The following KLF12 variants were observed in gnomAD, a reference collection of about 807,000 sequenced individuals.
The protein encoded by KLF12 is Krueppel-like factor 12.
A neutral mutation model predicts 37.8 loss-of-function variants in KLF12; 9 were observed. The ratio of observed to expected loss-of-function variants is 0.24; its 90% CI spans 0.14 to 0.42. KLF12 has a LOEUF of 0.42. Among genes scored for constraint, KLF12 ranks in the 10% least tolerant of loss-of-function variants. The pLI, the probability that KLF12 is intolerant of heterozygous loss-of-function variation, is 1.00. For synonymous variants in KLF12, 208 were observed against 202.1 expected (o/e 1.03, Z -0.25); for missense variants, 411 against 516.0 (o/e 0.80, Z 1.97).
At chr13:74,175,000 C>A in the KLF12 span, among the ~76,000 whole-genome samples, 8 of 152,316 alleles carry the variant, frequency 5.3e-5, no homozygotes, top group East Asian at 1.5e-3. Context: ...GCTTCCACTG[C>A]CACTAACCAC....
At position 74,104,896 on chromosome 13, in the gene KLF12, C is replaced by G. The variant is rs191276091; in HGVS notation, c.-32+28843G>C. Among the ~76,000 whole-genome samples the G allele has an allele frequency of 1.6e-3, 237 of 152,272 alleles. 1 individual carries two copies. Among genetic ancestry groups the G allele is most frequent in the African/African-American group, 5.3e-3 (222 of 41,536 alleles). ...TACCAAAATTGGGTTAGGTTCCCCC[C>G]TCCCCCGCGATGTATAAGTGGGCCT... is the stretch of plus-strand genomic sequence containing the variant. On this transcript the variant is annotated intron_variant, in intron 1 of 7. Coordinates refer to ENST00000377669, the MANE Select transcript of KLF12 (RefSeq NM_007249.5).
At chr13:73,791,255 T>G (rs1467810400) in intron 5 of KLF12, among the ~76,000 whole-genome samples, 1 of 152,240 alleles carries the variant, frequency 6.6e-6, no homozygotes, top group Admixed American at 6.5e-5. Context: ...ATGTGCCTAT[T>G]CATATGTAGT....
At chr13:73,977,188 T>C (rs1593800042) in intron 2 of KLF12, among the ~76,000 whole-genome samples, 1 of 151,868 alleles carries the variant, frequency 6.6e-6, no homozygotes, top group Non-Finnish European at 1.5e-5. Context: ...ACTACAGGCA[T>C]GAGCCACCAA....
intron 1 of KLF12, among the ~76,000 whole-genome samples, chr13:74,030,488 G>A (rs184036588): frequency 6.6e-6 from 1 of 151,912 alleles, no homozygotes; most frequent in African/African-American, 2.4e-5. Flanking sequence ...CTTAAGATGG[G>A]CCTTAATTAA....
chr13:73,869,637 GTTA>G, intron 3 of KLF12, among the ~76,000 whole-genome samples: 1 of 151,676 alleles, frequency 6.6e-6, no homozygotes, highest in East Asian at 1.9e-4. Flanking sequence ...ATCTATAACA[GTTA>G]TATGCTGAGT....
the KLF12 span, among the ~76,000 whole-genome samples, chr13:74,269,345 A>G: frequency 6.6e-6 from 1 of 152,064 alleles, no homozygotes; most frequent in Non-Finnish European, 1.5e-5. Flanking sequence ...TTTCCTGCTC[A>G]TTTCATATAG....
At chr13:73,779,268 C>T (rs558722739) in intron 5 of KLF12, among the ~76,000 whole-genome samples, 86 of 152,228 alleles carry the variant, frequency 5.6e-4, no homozygotes, top group Middle Eastern at 6.8e-3. Context: ...AGGTTTTTAG[C>T]TCCTCACCAG....
At chr13:73,699,747 G>A (rs1367007797) in intron 7 of KLF12, among the ~76,000 whole-genome samples, 3 of 152,182 alleles carry the variant, frequency 2.0e-5, no homozygotes, top group Non-Finnish European at 4.4e-5. Context: ...GAGATGTTTG[G>A]AACTGTTTCT....
intron 2 of KLF12, among the ~76,000 whole-genome samples, chr13:73,965,956 G>T (rs1240119242): frequency 1.3e-5 from 2 of 152,144 alleles, no homozygotes; most frequent in Non-Finnish European, 2.9e-5. Flanking sequence ...GGGCAATTTG[G>T]CAGAAAATAT....
intron 6 of KLF12, among the ~76,000 whole-genome samples, chr13:73,725,070 C>G (rs981959272): frequency 6.6e-6 from 1 of 152,098 alleles, no homozygotes; most frequent in African/African-American, 2.4e-5. Context: ...ATTTGAAACA[C>G]AAAACTACAA....
intron 4 of KLF12, among the ~76,000 whole-genome samples, chr13:73,827,624 G>A (rs554516380): frequency 1.2e-4 from 19 of 152,164 alleles, no homozygotes; most frequent in South Asian, 2.1e-4. Context: ...GTGCAATGGC[G>A]CAATCTTGGC....
chr13:74,203,777 A>G, the KLF12 span, among the ~76,000 whole-genome samples: 1 of 152,086 alleles, frequency 6.6e-6, no homozygotes, highest in African/African-American at 2.4e-5. Context: ...TGCTCAGGTT[A>G]CAGAGACAGA....
intron 2 of KLF12, among the ~76,000 whole-genome samples, chr13:73,981,156 A>G (rs1891679480): frequency 6.6e-6 from 1 of 152,164 alleles, no homozygotes; most frequent in South Asian, 2.1e-4. Flanking sequence ...ACCCTGTCTC[A>G]GAAACAAACA....
chr13:73,855,105 A>C (rs1885536381), intron 3 of KLF12, among the ~76,000 whole-genome samples: 1 of 152,188 alleles, frequency 6.6e-6, no homozygotes. Flanking sequence ...TTTATTTTTC[A>C]AATTTTATTT....
intron 1 of KLF12, among the ~76,000 whole-genome samples, chr13:74,066,353 A>G (rs1470416441): frequency 2.6e-5 from 4 of 152,188 alleles, no homozygotes; most frequent in Admixed American, 2.6e-4. Context: ...CAACTCGTAA[A>G]TACATTATAT....
intron 3 of KLF12, among the ~76,000 whole-genome samples, chr13:73,863,528 T>C (rs1227409493): frequency 6.6e-6 from 1 of 152,130 alleles, no homozygotes; most frequent in Non-Finnish European, 1.5e-5. Flanking sequence ...TAGTTAAAAT[T>C]AGTTGTGGTT....
At position 73,694,791 on chromosome 13, in the gene KLF12, C is replaced by T. The variant is rs11841507; in HGVS notation, c.*699G>A. The T allele has an allele frequency of 0.041, 6,323 of 152,728 alleles. 151 individuals carry two copies. The highest frequency in any genetic ancestry group is 0.098 in the Middle Eastern group (29 of 296). The allele number at this position is 152,728 out of a possible 1,614,324, so 9.5% of individuals were successfully genotyped here. A position where few individuals can be genotyped will look rare whatever the true frequency, so the allele number is the denominator to read the frequency against. ...ACGAGACTTCAACTGCCCCTCTGCT[C>T]GAACAGATGAACAAAACAGAATCGA... On this transcript the variant is annotated 3_prime_UTR_variant, in exon 8 of 8. Coordinates refer to ENST00000377669, the MANE Select transcript of KLF12 (RefSeq NM_007249.5).
Position 73,846,372 on chromosome 13 carries a change from G to C in KLF12, c.125C>G (p.Ser42Cys), listed in dbSNP as rs1297551042. Residue 42 changes from serine to cysteine, a missense_variant and splice_region_variant, in exon 4 of 8, where the codon TCT becomes TGT. Ser to Cys is a moderately radical substitution (Grantham distance 112). This residue lies in a region of KLF12 where 351 missense variants were observed against 397.8 expected (regional missense o/e 0.88). Coordinates refer to ENST00000377669, the MANE Select transcript of KLF12 (RefSeq NM_007249.5). ...ATCGGGATAGTTGTGGACGTTTGGA[G>C]ACTGTGGGGAGAAAAATGGAACATA... is the stretch of plus-strand genomic sequence containing the variant. 1 of 1,605,556 alleles carries C rather than the reference G, an allele frequency of 6.2e-7. No individual in the cohort carries two copies. Among genetic ancestry groups the C allele is most frequent in the Non-Finnish European group, 8.5e-7 (1 of 1,176,588 alleles).
upstream of KLF12, among the ~76,000 whole-genome samples, chr13:74,134,909 C>T (rs1337561576): frequency 1.3e-5 from 2 of 151,980 alleles, no homozygotes; most frequent in East Asian, 1.9e-4. Flanking sequence ...CGCGGCTCGC[C>T]CGCCAGCGAA....
Sources: allele counts gnomAD v4.1 joint callset (sites outside exome capture counted in the v4.1 genomes callset), GRCh38; gene constraint gnomAD v4.1.1; regional missense constraint gnomAD v4.1.1; transcripts MANE v1.5; gene names NCBI Gene and HGNC (gene_info 2026-07-23, HGNC 2026-07-21).